Variants in SH3GLB1 observed in about 807,000 individuals in gnomAD.
SH3GLB1 encodes endophilin-B1.
A neutral mutation model predicts 42.0 loss-of-function variants in SH3GLB1; 17 were observed. The observed-to-expected ratio is 0.40, with a 90% CI of 0.28 to 0.61. SH3GLB1 has a LOEUF of 0.61. SH3GLB1 is among the 20% of genes least tolerant of loss of function. The pLI is 0.36. For synonymous variants in SH3GLB1, 132 were observed against 146.6 expected (o/e 0.90, Z 0.72); for missense variants, 355 against 426.3 (o/e 0.83, Z 1.47).
rs576500510 is a variant in SH3GLB1, at chr1:86,742,115, A to G, written c.762-93A>G. On this transcript the variant is annotated intron_variant, in intron 7 of 8. Transcript: ENST00000370558. Reference sequence around the variant, plus strand: ...TATCTATAAATCTTTTCCAATGTGAAGGTTGGTAGAAAGTAAACAGCGCCA... The same window carrying G: ...TATCTATAAATCTTTTCCAATGTGAGGGTTGGTAGAAAGTAAACAGCGCCA... 8.9e-5 allele frequency: 71 copies of G among 794,636 alleles called. No individual in the cohort carries two copies. The South Asian group carries it at 1.1e-3, about 12-fold the overall frequency. 49.2% of individuals were successfully genotyped at this position (794,636 alleles called of 1,614,324 possible).
intron 5 of SH3GLB1, among the ~76,000 whole-genome samples, chr1:86,728,882 T>A (rs1182452307): frequency 6.6e-6 from 1 of 152,102 alleles, no homozygotes; most frequent in Non-Finnish European, 1.5e-5. Flanking sequence ...TTTACCTTAT[T>A]TTCACCCAAA....
At chr1:86,724,191 T>G (rs1027228696) in intron 4 of SH3GLB1, 122 bp from the exon 5 acceptor site, 1 of 621,726 alleles carries the variant, frequency 1.6e-6, no homozygotes, top group Non-Finnish European at 2.6e-6. Context: ...TAGCCAATTT[T>G]GTAGTCATAG....
intron 5 of SH3GLB1, among the ~76,000 whole-genome samples, chr1:86,726,990 C>G (rs970613486): frequency 6.6e-6 from 1 of 151,866 alleles, no homozygotes; most frequent in Non-Finnish European, 1.5e-5. Context: ...ACTAGTTACT[C>G]TGCTAGTAAG....
chr1:86,720,154 A>T (rs952061755), intron 3 of SH3GLB1, among the ~76,000 whole-genome samples: 1 of 152,172 alleles, frequency 6.6e-6, no homozygotes, highest in African/African-American at 2.4e-5. Context: ...GAGAATTCAC[A>T]TCTTTTTTAG....
At position 86,744,758 on chromosome 1, in the gene SH3GLB1, T is replaced by G. The variant is rs2101996971; in HGVS notation, c.*1523T>G. 6.6e-6 allele frequency: 1 copy of G among 152,356 alleles called. No individual in the cohort carries two copies. The highest frequency in any genetic ancestry group is 1.5e-5 in the Non-Finnish European group (1 of 68,032). 9.4% of individuals were successfully genotyped at this position (152,356 alleles called of 1,614,324 possible). On this transcript the variant is annotated 3_prime_UTR_variant, in exon 9 of 9. Transcript: ENST00000370558. ...TGTGTTAAGAGCTCCTAATAAGAAC[T>G]TGGTAAACATGTTGACAATTTAACT...
intron 1 of SH3GLB1, among the ~76,000 whole-genome samples, 156 bp downstream of exon 1, chr1:86,705,127 G>C (rs1364526805): frequency 3.9e-5 from 6 of 151,952 alleles, no homozygotes; most frequent in Non-Finnish European, 8.8e-5. Flanking sequence ...TCCCCTCCCC[G>C]GGCCCGGCGG....
intron 5 of SH3GLB1, among the ~76,000 whole-genome samples, chr1:86,727,501 A>C (rs764409496): frequency 6.6e-6 from 1 of 152,056 alleles, no homozygotes; most frequent in Non-Finnish European, 1.5e-5. Context: ...TATGACGCTC[A>C]AAAGAAATGC....
At chr1:86,730,359 G>T in intron 5 of SH3GLB1, 1 of 985,276 alleles carries the variant, frequency 1.0e-6, no homozygotes, top group Non-Finnish European at 1.2e-6. Flanking sequence ...TATACTAAGT[G>T]GTAATCTTAC....
chr1:86,739,795 G>A (rs1389759325), intron 7 of SH3GLB1, among the ~76,000 whole-genome samples: 1 of 152,094 alleles, frequency 6.6e-6, no homozygotes, highest in African/African-American at 2.4e-5. Flanking sequence ...GGCAAAAAAG[G>A]ATGAGATTTT....
intron 1 of SH3GLB1, among the ~76,000 whole-genome samples, chr1:86,713,098 A>T (rs1355368093): frequency 6.6e-6 from 1 of 152,078 alleles, no homozygotes; most frequent in African/African-American, 2.4e-5. Context: ...CCCAGTTTGT[A>T]TCAGATAAAT....
intron 5 of SH3GLB1, among the ~76,000 whole-genome samples, chr1:86,724,837 G>A (rs1570269335): frequency 7.2e-6 from 1 of 138,618 alleles, no homozygotes; most frequent in East Asian, 2.1e-4. Flanking sequence ...TTGCGCCACT[G>A]CACTCCAGCC....
Position 86,724,231 on chromosome 1 carries a change from A to G in SH3GLB1, c.478-82A>G, listed in dbSNP as rs551177743. 5 of 937,768 alleles carry G rather than the reference A, an allele frequency of 5.3e-6. No homozygotes were observed. The Admixed American group carries it at 9.0e-5, about 17-fold the overall frequency. 58.1% of individuals were successfully genotyped at this position (937,768 alleles called of 1,614,324 possible). ...TTATCAAGTGATACATATGTTTACT[A>G]GGGAATAATACTTTAAATGTGTATG... On this transcript the variant is annotated intron_variant, in intron 4 of 8. Transcript: ENST00000370558.
rs1266896422 is a variant in SH3GLB1, at chr1:86,704,607, G to GGGGTCGCCCGTCCATCTCC, written c.-290_-272dup. On this transcript the variant is annotated 5_prime_UTR_variant, in exon 1 of 9. Transcript: ENST00000370558. The stretch of plus-strand genomic sequence containing the variant: ...CCCTTGGGACCCGGGTCCACACGGC[G>GGGGTCGCCCGTCCATCTCC]GGGTCGCCCGTCCATCTCCGGCTCG... 2 of 283,890 alleles carry GGGGTCGCCCGTCCATCTCC rather than the reference G, an allele frequency of 7.0e-6. No homozygotes were observed. The highest frequency in any genetic ancestry group is 8.6e-5 in the East Asian group (1 of 11,648). 17.6% of individuals were successfully genotyped at this position (283,890 alleles called of 1,614,324 possible). A position where few individuals can be genotyped will look rare whatever the true frequency, so the allele number is the denominator to read the frequency against.
At chr1:86,722,165 C>CT (rs11364051) in intron 3 of SH3GLB1, among the ~76,000 whole-genome samples, 3,622 of 138,412 alleles carry the variant, frequency 0.026, 62 homozygotes, top group African/African-American at 0.047. Flanking sequence ...CTCAGCCATC[C>CT]TTTTTTTTTT....
At position 86,743,224 on chromosome 1, in the gene SH3GLB1, C is replaced by T. The variant is rs998973597; in HGVS notation, c.1087C>T (p.Leu363=). 6 of 1,603,386 alleles carry T rather than the reference C, an allele frequency of 3.7e-6. No individual in the cohort carries two copies. Among genetic ancestry groups the T allele is most frequent in the Non-Finnish European group, 5.1e-6 (6 of 1,176,522 alleles). The change falls in exon 9 of 9, where the codon CTG becomes TTG. Residue 363 remains leucine (L), a synonymous_variant. Transcript: ENST00000370558. ...CAAGGTGCCAATTACCTACTTAGAA[C>T]TGCTCAATTAAGTAGGTGGACTATG... is the stretch of plus-strand genomic sequence containing the variant. ...KGKVPITYLE[L]LN is the part of the protein sequence containing the mutation.
At position 86,722,426 on chromosome 1, in the gene SH3GLB1, A is replaced by T. The variant is rs187013847; in HGVS notation, c.344-114A>T. The stretch of plus-strand genomic sequence containing the variant: ...AGTTAATTCTATTTGGTTTTACTTT[A>T]GCAAGCAAGTTACAGCTAACTTTTA... On this transcript the variant is annotated intron_variant, in intron 3 of 8. Coordinates refer to ENST00000370558, the MANE Select transcript of SH3GLB1 (RefSeq NM_016009.5). The T allele has an allele frequency of 1.5e-4, 134 of 893,198 alleles. No homozygotes were observed. The East Asian group carries it at 2.5e-3, about 16-fold the overall frequency. 55.3% of individuals were successfully genotyped at this position (893,198 alleles called of 1,614,324 possible).
In SH3GLB1 at chr1:86,719,552, C is replaced by T. The variant is rs1192130798; in HGVS notation, c.260C>T (p.Ala87Val). The change falls in exon 3 of 9, where the codon GCT becomes GTT. Residue 87 changes from alanine to valine, a missense_variant. Coordinates refer to ENST00000370558, the MANE Select transcript of SH3GLB1 (RefSeq NM_016009.5). ...GTTTATGAGAAACTGGATAGAAAAG[C>T]TCCAAGTCGTATAAACAACCCAGAA... is the stretch of plus-strand genomic sequence containing the variant. ...EFVYEKLDRK[A>V]PSRINNPELL... 1 of 1,610,364 alleles carries T rather than the reference C, an allele frequency of 6.2e-7. No homozygotes were observed. The highest frequency in any genetic ancestry group is 1.1e-5 in the South Asian group (1 of 90,720).
Position 86,704,959 on chromosome 1 carries a change from T to G in SH3GLB1, c.60T>G (p.Ser20Arg), listed in dbSNP as rs1653738752. The G allele has an allele frequency of 6.3e-7, 1 of 1,581,452 alleles. No homozygotes were observed. The highest frequency in any genetic ancestry group is 8.6e-7 in the Non-Finnish European group (1 of 1,166,296). The change falls in exon 1 of 9, where the codon AGT becomes AGG. Residue 20 changes from serine (S) to arginine (R), a missense_variant. Coordinates refer to ENST00000370558, the MANE Select transcript of SH3GLB1 (RefSeq NM_016009.5). ...CGGCCGACGCAGGCACCTTCCTCAG[T>G]CGCGCCGTGCAGGTACCCTGGTGCT... ...KLAADAGTFL[S>R]RAVQFTEEKL...
Position 86,730,877 on chromosome 1 carries a change from A to C in SH3GLB1, c.571-3725A>C, listed in dbSNP as rs113833105. Reference sequence around the variant, plus strand: ...TAATTTTTCCCAGTCACATTAGTTGAAAATATCTGTAAAAATGTATTTTAC... The same window carrying C: ...TAATTTTTCCCAGTCACATTAGTTGCAAATATCTGTAAAAATGTATTTTAC... On this transcript the variant is annotated intron_variant, in intron 5 of 8. Coordinates refer to ENST00000370558, the MANE Select transcript of SH3GLB1 (RefSeq NM_016009.5). Among the ~76,000 whole-genome samples the C allele has an allele frequency of 5.9e-5, 9 of 152,336 alleles. 1 individual carries two copies. Among genetic ancestry groups the C allele is most frequent in the African/African-American group, 1.7e-4 (7 of 41,586 alleles).
Sources: gnomAD v4.1 joint callset for allele counts (sites outside exome capture counted in the v4.1 genomes callset) on GRCh38, gnomAD v4.1.1 for gene constraint, MANE v1.5 for transcripts, NCBI Gene and HGNC (gene_info 2026-07-23, HGNC 2026-07-21) for gene names.